Variants in METTL15 observed in about 807,000 individuals in gnomAD.
METTL15 encodes the protein 12S rRNA N(4)-cytidine methyltransferase METTL15.
A neutral mutation model predicts 38.3 loss-of-function variants in METTL15; 34 were observed. That is an observed-to-expected ratio of 0.89 (90% CI 0.68 to 1.18). The LOEUF (loss-of-function observed/expected upper bound fraction) is 1.18. Ranked by LOEUF, METTL15 falls within the 50% of genes most tolerant of loss-of-function variation. The pLI is 0.00. For missense variants in METTL15, 438 were observed against 498.4 expected (o/e 0.88, Z 1.15); for synonymous variants, 162 against 170.9 (o/e 0.95, Z 0.41).
At chr11:28,298,428 C>T (rs990538607) in intron 6 of METTL15, among the ~76,000 whole-genome samples, 8 of 152,018 alleles carry the variant, frequency 5.3e-5, no homozygotes, top group African/African-American at 1.7e-4. Flanking sequence ...CATCTGATTA[C>T]TAAGGAAACT....
intron 4 of METTL15, among the ~76,000 whole-genome samples, chr11:28,264,311 A>G (rs1409817068): frequency 6.6e-6 from 1 of 152,006 alleles, no homozygotes; most frequent in Admixed American, 6.6e-5. Context: ...GATAATCCTT[A>G]TTGATATTTT....
Position 28,208,029 on chromosome 11 carries a change from T to C in METTL15, c.271-3033T>C, listed in dbSNP as rs1852440094. 2.6e-5 allele frequency among the ~76,000 whole-genome samples: 4 copies of C among 152,286 alleles called. No individual in the cohort carries two copies. The South Asian group carries it at 6.2e-4, about 24-fold the overall frequency. ...TTCTTTATTAGTCTTGCTAGCAGTC[T>C]ATCAATTTTGTTGATCGTTTCAAAA... On this transcript the variant is annotated intron_variant, in intron 3 of 6. Coordinates refer to ENST00000407364, the MANE Select transcript of METTL15 (RefSeq NM_001113528.2).
At chr11:28,303,609 T>C (rs1244417011) in intron 6 of METTL15, among the ~76,000 whole-genome samples, 2 of 152,180 alleles carry the variant, frequency 1.3e-5, no homozygotes, top group African/African-American at 4.8e-5. Context: ...ATTCCTTTCC[T>C]GAAACTTTTG....
chr11:28,380,262 G>A (rs890640344), intron 5 of METTL15, among the ~76,000 whole-genome samples: 4 of 150,460 alleles, frequency 2.7e-5, no homozygotes, highest in African/African-American at 7.3e-5. Context: ...CTGCTTCCTG[G>A]GTTCACACCA....
chr11:28,452,622 T>G (rs1851132759), intron 6 of METTL15, among the ~76,000 whole-genome samples: 1 of 152,180 alleles, frequency 6.6e-6, no homozygotes, highest in Admixed American at 6.5e-5. Context: ...CATCTTTATG[T>G]AACCCAGGCA....
intron 6 of METTL15, among the ~76,000 whole-genome samples, chr11:28,449,421 C>CTT (rs1301700336): frequency 2.0e-5 from 3 of 152,070 alleles, no homozygotes; most frequent in Admixed American, 2.0e-4. Flanking sequence ...TAATTTTAAT[C>CTT]TAAGGGTTTA....
At position 28,327,880 on chromosome 11, in the gene METTL15, A is replaced by G. The variant is rs528305055; in HGVS notation, c.779-2516A>G. The G allele has an allele frequency of 1.7e-5, 7 of 421,800 alleles. No homozygotes were observed. The South Asian group carries it at 1.8e-4, about 11-fold the overall frequency. The allele number at this position is 421,800 out of a possible 1,614,324, so 26.1% of individuals were successfully genotyped here. The stretch of plus-strand genomic sequence containing the variant: ...CATTTATTGAGCTTTCTGCCTTTCT[A>G]TTTTATGAATTAAGAGATTCTGCAT... On this transcript the variant is annotated intron_variant, in intron 6 of 6. Coordinates refer to ENST00000407364, the MANE Select transcript of METTL15 (RefSeq NM_001113528.2).
chr11:28,449,792 A>G lies in METTL15; in HGVS notation c.*424+25428A>G, dbSNP rs74831403. 1.1e-3 allele frequency among the ~76,000 whole-genome samples: 167 copies of G among 152,290 alleles called. 1 individual carries two copies. The highest frequency in any genetic ancestry group is 1.0e-3 in the Admixed American group (16 of 15,288). The stretch of plus-strand genomic sequence containing the variant: ...GTCTGACTACCTTTCTAGAGGGGCA[A>G]TGCGGAAAGACACTAACACAGGATG... On this transcript the variant is annotated intron_variant and NMD_transcript_variant, in intron 6 of 7. Transcript: ENST00000532947.
intron 4 of METTL15, among the ~76,000 whole-genome samples, chr11:28,271,911 G>A (rs1336017452): frequency 6.6e-6 from 1 of 152,128 alleles, no homozygotes; most frequent in Non-Finnish European, 1.5e-5. Context: ...CAAAGGATAT[G>A]AACAGACACT....
chr11:28,228,512 A>G (rs371276175), intron 4 of METTL15, among the ~76,000 whole-genome samples: 1 of 151,940 alleles, frequency 6.6e-6, no homozygotes, highest in Admixed American at 6.6e-5. Context: ...GTTTAATGGA[A>G]TGGAATAAGA....
intron 5 of METTL15, among the ~76,000 whole-genome samples, chr11:28,390,051 T>C (rs1341775633): frequency 6.6e-6 from 1 of 151,356 alleles, no homozygotes; most frequent in Non-Finnish European, 1.5e-5. Flanking sequence ...TGTCTGTTCA[T>C]ATCCTTTGCC....
chr11:28,453,274 A>G, intron 6 of METTL15, among the ~76,000 whole-genome samples: 1 of 152,208 alleles, frequency 6.6e-6, no homozygotes, highest in Non-Finnish European at 1.5e-5. Context: ...CTCCGGCTCT[A>G]CCTGCCACCT....
intron 6 of METTL15, among the ~76,000 whole-genome samples, chr11:28,483,480 C>A (rs1348502264): frequency 1.3e-5 from 2 of 152,034 alleles, no homozygotes; most frequent in Non-Finnish European, 2.9e-5. Context: ...TTTTTCTCTG[C>A]AGCTAGCTAC....
chr11:28,181,385 C>T (rs545309450), intron 3 of METTL15, among the ~76,000 whole-genome samples: 1 of 149,562 alleles, frequency 6.7e-6, no homozygotes, highest in African/African-American at 2.4e-5. Context: ...ATAGGTATTT[C>T]TCCTAATGCT....
intron 6 of METTL15, among the ~76,000 whole-genome samples, chr11:28,519,536 C>A (rs1402224750): frequency 1.9e-4 from 28 of 146,524 alleles, no homozygotes; most frequent in African/African-American, 7.1e-4. Flanking sequence ...GCCTGGGCGA[C>A]AGAGTGAGGC....
intron 3 of METTL15, among the ~76,000 whole-genome samples, chr11:28,194,798 T>A (rs528863106): frequency 6.6e-6 from 1 of 151,954 alleles, no homozygotes; most frequent in Admixed American, 6.6e-5. Context: ...TATCACTTGG[T>A]GATAGGTGTA....
intron 4 of METTL15, among the ~76,000 whole-genome samples, chr11:28,255,923 G>A (rs1399328572): frequency 6.6e-6 from 1 of 152,074 alleles, no homozygotes; most frequent in African/African-American, 2.4e-5. Flanking sequence ...GGCTGGTCTC[G>A]AACTCCCAAC....
At chr11:28,285,560 C>A (rs527977913) in intron 4 of METTL15, among the ~76,000 whole-genome samples, 17 of 152,200 alleles carry the variant, frequency 1.1e-4, no homozygotes, top group African/African-American at 4.1e-4. Flanking sequence ...CATAACCCAT[C>A]AAAGTGTTTT....
At chr11:28,497,946 T>A (rs1213051418) in intron 6 of METTL15, among the ~76,000 whole-genome samples, 2 of 151,138 alleles carry the variant, frequency 1.3e-5, no homozygotes, top group East Asian at 3.9e-4. Context: ...TCCAGCTACT[T>A]GGGAAGCTGA....
Sources: allele counts gnomAD v4.1 joint callset (sites outside exome capture counted in the v4.1 genomes callset), GRCh38; gene constraint gnomAD v4.1.1; transcripts MANE v1.5; gene names NCBI Gene and HGNC (gene_info 2026-07-23, HGNC 2026-07-21).